CACNA1E: variants seen among roughly 807,000 people sequenced by gnomAD.
CACNA1E encodes voltage-dependent R-type calcium channel subunit alpha-1E.
CACNA1E carries 40 observed loss-of-function variants against 259.2 expected under a neutral mutation model. The ratio of observed to expected loss-of-function variants is 0.15; its 90% confidence interval spans 0.12 to 0.20. The LOEUF is 0.20. CACNA1E is among the 10% of genes least tolerant of loss of function. CACNA1E has a pLI of 1.00. For synonymous variants in CACNA1E, 1,104 were observed against 1,138.5 expected (o/e 0.97, Z 0.61); for missense variants, 1,874 against 3,040.1 (o/e 0.62, Z 9.02).
intron 3 of CACNA1E, among the ~76,000 whole-genome samples, chr1:181,570,615 CT>C (rs768345688): frequency 1.4e-4 from 21 of 152,336 alleles, no homozygotes; most frequent in Middle Eastern, 6.8e-3. Flanking sequence ...TAGTTCGTTT[CT>C]TTGCCTCTCC....
intron 1 of CACNA1E, among the ~76,000 whole-genome samples, chr1:181,347,047 G>A (rs1043703954): frequency 6.6e-6 from 1 of 152,144 alleles, no homozygotes; most frequent in Non-Finnish European, 1.5e-5. Flanking sequence ...GCCTTTTCAT[G>A]AAAACATCTC....
At chr1:181,509,267 C>T (rs570805823) in intron 1 of CACNA1E, among the ~76,000 whole-genome samples, 1 of 152,156 alleles carries the variant, frequency 6.6e-6, no homozygotes, top group African/African-American at 2.4e-5. Context: ...TGGGTGCTAA[C>T]TTAACATTGT....
chr1:181,509,102 G>A (rs1352237384), intron 1 of CACNA1E, among the ~76,000 whole-genome samples: 1 of 152,066 alleles, frequency 6.6e-6, no homozygotes, highest in Non-Finnish European at 1.5e-5. Context: ...GGGAGGAGAA[G>A]GCACTGCCAA....
intron 1 of CACNA1E, among the ~76,000 whole-genome samples, chr1:181,335,877 C>A (rs1651670170): frequency 6.6e-6 from 1 of 152,182 alleles, no homozygotes; most frequent in African/African-American, 2.4e-5. Context: ...ATAGTCCAGT[C>A]CTTGGCCCCC....
rs935430967 is a variant in CACNA1E, at chr1:181,580,916, T to C, written c.951+140T>C. ...TTGGGATGGGAGGTGAAGACTCAACTGGGATAAGCCTTAGCAGTTCATAAC... is the reference window on the plus strand; with the variant it reads ...TTGGGATGGGAGGTGAAGACTCAACCGGGATAAGCCTTAGCAGTTCATAAC... On this transcript the variant is annotated intron_variant, in intron 6 of 47. Transcript: ENST00000367573. The C allele has an allele frequency of 1.9e-5, 13 of 699,778 alleles. No individual in the cohort carries two copies. The African/African-American group carries it at 1.9e-4, about 10-fold the overall frequency. 43.3% of individuals were successfully genotyped at this position (699,778 alleles called of 1,614,324 possible).
chr1:181,430,227 G>A (rs1453733702), intron 2 of CACNA1E, among the ~76,000 whole-genome samples: 5 of 152,166 alleles, frequency 3.3e-5, no homozygotes, highest in Admixed American at 6.5e-5. Flanking sequence ...GGCATCACCC[G>A]GAGTTCTTCG....
chr1:181,585,828 C>G (rs922256572), intron 6 of CACNA1E, among the ~76,000 whole-genome samples: 1 of 151,972 alleles, frequency 6.6e-6, no homozygotes, highest in Non-Finnish European at 1.5e-5. Context: ...GTGAGTGAGG[C>G]GGAAAGTAGG....
At chr1:181,454,939 A>G (rs1038681059) in intron 2 of CACNA1E, among the ~76,000 whole-genome samples, 1 of 152,226 alleles carries the variant, frequency 6.6e-6, no homozygotes, top group Admixed American at 6.5e-5. Context: ...TAAATGAGAA[A>G]TCTATGCCTG....
At position 181,798,875 on chromosome 1, in the gene CACNA1E, G is replaced by T; in HGVS notation, c.*41G>T. On this transcript the variant is annotated 3_prime_UTR_variant, in exon 48 of 48. Transcript: ENST00000367573. This position sits in a 1 kb window ranked among gnomAD's most constrained non-coding sequence, Gnocchi z 4.2. ...CCGATGCATGCTCTTCTCTCACATG[G>T]AGAAAACCAAGACAGAATTGGGAAG... 2 of 1,464,906 alleles carry T rather than the reference G, an allele frequency of 1.4e-6. No individual in the cohort carries two copies. The highest frequency in any genetic ancestry group is 1.8e-6 in the Non-Finnish European group (2 of 1,111,482). 90.7% of individuals were successfully genotyped at this position (1,464,906 alleles called of 1,614,324 possible).
At chr1:181,668,671 A>G (rs908722864) in intron 7 of CACNA1E, 1 of 152,190 alleles carries the variant, frequency 6.6e-6, no homozygotes, top group African/African-American at 2.4e-5. Flanking sequence ...AAATTAAATA[A>G]TATACAATGA....
intron 1 of CACNA1E, among the ~76,000 whole-genome samples, chr1:181,398,401 C>T (rs898848295): frequency 6.6e-6 from 1 of 152,336 alleles, no homozygotes; most frequent in South Asian, 2.1e-4. Flanking sequence ...AGTGCATGCT[C>T]ACACTTTATT....
chr1:181,665,845 G>A (rs1276173476), intron 7 of CACNA1E, among the ~76,000 whole-genome samples: 1 of 152,136 alleles, frequency 6.6e-6, no homozygotes, highest in Non-Finnish European at 1.5e-5. Flanking sequence ...GCTCCGAAGT[G>A]TACATATTCA....
intron 37 of CACNA1E, among the ~76,000 whole-genome samples, chr1:181,774,286 C>T (rs1346092388): frequency 6.6e-6 from 1 of 152,246 alleles, no homozygotes. Context: ...TGTCTGGATA[C>T]ATGGAAAACC....
At chr1:181,469,639 T>A (rs2102405911) in intron 2 of CACNA1E, among the ~76,000 whole-genome samples, 1 of 152,238 alleles carries the variant, frequency 6.6e-6, no homozygotes, top group African/African-American at 2.4e-5. Flanking sequence ...ATGGATGAGA[T>A]CACTGAGAGA....
chr1:181,763,850 C>G (rs567049388), intron 34 of CACNA1E, among the ~76,000 whole-genome samples: 1 of 152,286 alleles, frequency 6.6e-6, no homozygotes, highest in African/African-American at 2.4e-5. Flanking sequence ...TCCAGACAGT[C>G]CTGAGTAACC....
intron 1 of CACNA1E, among the ~76,000 whole-genome samples, chr1:181,345,523 G>A (rs1557929921): frequency 6.6e-6 from 1 of 152,186 alleles, no homozygotes; most frequent in Non-Finnish European, 1.5e-5. Flanking sequence ...GGGTCTGCTG[G>A]CTTTGGGTCT....
chr1:181,715,282 T>C (rs1653781504), intron 8 of CACNA1E, 56 bp from the exon 9 acceptor site: 1 of 1,084,108 alleles, frequency 9.2e-7, no homozygotes, highest in Non-Finnish European at 1.4e-6. Flanking sequence ...GATTTTAATC[T>C]TGCAGAATAA....
chr1:181,439,172 T>A (rs1660281599), intron 2 of CACNA1E, among the ~76,000 whole-genome samples: 1 of 152,196 alleles, frequency 6.6e-6, no homozygotes, highest in African/African-American at 2.4e-5. Flanking sequence ...TCAGAGATGG[T>A]ACCCATGCTA....
At position 181,806,982 on chromosome 1, in the gene CACNA1E, G is replaced by C. The variant is rs1260142438; in HGVS notation, c.*8148G>C. ...TCCCAAGGACATCCTGGCTCTGAAA[G>C]GTTTTCTTTTGTTAAAAAATGCACT... is the stretch of plus-strand genomic sequence containing the variant. On this transcript the variant is annotated 3_prime_UTR_variant, in exon 48 of 48. Coordinates refer to ENST00000367573, the MANE Select transcript of CACNA1E (RefSeq NM_001205293.3). 6.6e-6 allele frequency: 1 copy of C among 152,024 alleles called. No homozygotes were observed. Among genetic ancestry groups the C allele is most frequent in the Non-Finnish European group, 1.5e-5 (1 of 68,014 alleles). The allele number at this position is 152,024 out of a possible 1,614,324, so 9.4% of individuals were successfully genotyped here.
Sources: gnomAD v4.1 joint callset for allele counts (sites outside exome capture counted in the v4.1 genomes callset) on GRCh38, gnomAD v4.1.1 for gene constraint, Gnocchi (gnomAD v3.1) non-coding constraint, MANE v1.5 for transcripts, NCBI Gene and HGNC (gene_info 2026-07-23, HGNC 2026-07-21) for gene names.